Variants in BPNT1 observed in about 807,000 individuals in gnomAD.
The protein encoded by BPNT1 is 3'(2'), 5'-bisphosphate nucleotidase 1.
In BPNT1, 28 loss-of-function variants were observed where a neutral mutation model predicts 36.9. That is an observed-to-expected ratio of 0.76 (90% CI 0.56 to 1.04). The LOEUF is 1.04. Among genes scored for constraint, BPNT1 ranks in the 50% least tolerant of loss-of-function variants. BPNT1 has a pLI of 0.00. For missense variants in BPNT1, 313 were observed against 372.9 expected (o/e 0.84, Z 1.32); for synonymous variants, 119 against 130.9 (o/e 0.91, Z 0.62).
In BPNT1 at chr1:220,072,918, C is replaced by T. The variant is rs1413802471; in HGVS notation, c.265G>A (p.Asp89Asn). ...TTCAGTATTTCTTCCCACTGACTGT[C>T]TTCAATCAGCTCTTGATCCACTTCC... ...SEEVDQELIEDSQWEEILKQP... is the reference protein window; with the variant it reads ...SEEVDQELIENSQWEEILKQP... Residue 89 changes from aspartate (D) to asparagine (N), a missense_variant, in exon 4 of 9, where the codon GAC becomes AAC. Coordinates refer to ENST00000322067, the MANE Select transcript of BPNT1 (RefSeq NM_006085.6). The T allele has an allele frequency of 8.1e-6, 13 of 1,614,026 alleles. No homozygotes were observed. Among genetic ancestry groups the T allele is most frequent in the Non-Finnish European group, 1.1e-5 (13 of 1,180,010 alleles).
intron 4 of BPNT1, among the ~76,000 whole-genome samples, chr1:220,072,178 T>C (rs1664123916): frequency 6.6e-6 from 1 of 150,752 alleles, no homozygotes; most frequent in South Asian, 2.1e-4. Flanking sequence ...CTGGCCAACA[T>C]GGTGAAACCC....
At chr1:220,068,574 G>T (rs1408190691) in intron 5 of BPNT1, among the ~76,000 whole-genome samples, 2 of 151,918 alleles carry the variant, frequency 1.3e-5, no homozygotes, top group African/African-American at 4.8e-5. Context: ...ACTTTGGGAG[G>T]CCCAGGTGAG....
chr1:220,059,797 A>C lies in BPNT1; in HGVS notation c.673-6T>G, dbSNP rs767178141. The C allele has an allele frequency of 1.3e-6, 2 of 1,570,582 alleles. No homozygotes were observed. The highest frequency in any genetic ancestry group is 1.7e-6 in the Non-Finnish European group (2 of 1,156,542). The stretch of plus-strand genomic sequence containing the variant: ...CCTTCAATCAGCTGAATAATCTGTA[A>C]GGGTAAAAATAAGAATTATCCTTTG... On this transcript the variant is annotated splice_polypyrimidine_tract_variant and splice_region_variant and intron_variant, in intron 7 of 8. Coordinates refer to ENST00000322067, the MANE Select transcript of BPNT1 (RefSeq NM_006085.6).
chr1:220,083,713 G>A (rs1395415415), intron 1 of BPNT1, among the ~76,000 whole-genome samples: 1 of 152,148 alleles, frequency 6.6e-6, no homozygotes, highest in Non-Finnish European at 1.5e-5. Flanking sequence ...GATAGAAAAG[G>A]TATGTAAAAT....
intron 2 of BPNT1, among the ~76,000 whole-genome samples, chr1:220,079,288 T>C (rs1464658050): frequency 6.6e-6 from 1 of 151,790 alleles, no homozygotes; most frequent in Non-Finnish European, 1.5e-5. Flanking sequence ...AGTCTCGCCC[T>C]GTTGCCCAGG....
rs35221551 is a variant in BPNT1 at position 220,076,500 on chromosome 1, C to CA, written c.121-2430dup. Among the ~76,000 whole-genome samples the CA allele has an allele frequency of 6.4e-3, 372 of 57,812 alleles. 1 individual carries two copies. Among genetic ancestry groups the CA allele is most frequent in the East Asian group, 0.017 (33 of 1,916 alleles). The allele number at this position is 57,812 out of a possible 152,430, so 37.9% of individuals were successfully genotyped here. ...TGGGTGACAGAGCAAGACTCCATCT[C>CA]AAAAAAAAAAAAAAAAAAGGCAAAA... On this transcript the variant is annotated intron_variant, in intron 2 of 8. Transcript: ENST00000322067.
chr1:220,066,950 T>C (rs561996892), intron 6 of BPNT1: 1 of 152,278 alleles, frequency 6.6e-6, no homozygotes, highest in African/African-American at 2.4e-5. Context: ...ACATTTATAT[T>C]TGAATCATAA....
At chr1:220,073,129 T>C (rs1157056392) in intron 3 of BPNT1, among the ~76,000 whole-genome samples, 172 bp from the exon 4 acceptor site, 2 of 152,190 alleles carry the variant, frequency 1.3e-5, no homozygotes, top group Non-Finnish European at 2.9e-5. Context: ...AACAACCATA[T>C]GTGGCTCATC....
intron 2 of BPNT1, among the ~76,000 whole-genome samples, chr1:220,074,503 GT>G (rs369572621): frequency 3.2e-3 from 470 of 146,872 alleles, no homozygotes; most frequent in African/African-American, 0.011. Flanking sequence ...AATCCTATTT[GT>G]TTTTTTTTTT....
intron 6 of BPNT1, chr1:220,066,263 T>C (rs1284824981): frequency 4.1e-6 from 2 of 490,670 alleles, no homozygotes; most frequent in Non-Finnish European, 7.0e-6. Flanking sequence ...AAAGTAATAG[T>C]ATTAACTTAA....
At chr1:220,074,521 G>A (rs542111183) in intron 2 of BPNT1, among the ~76,000 whole-genome samples, 132 of 151,226 alleles carry the variant, frequency 8.7e-4, no homozygotes, top group African/African-American at 3.0e-3. Flanking sequence ...TTTTGAGACA[G>A]AGTCTTGCTC....
In BPNT1 at chr1:220,057,797, C is replaced by T. The variant is rs1368560691; in HGVS notation, c.*1047G>A. On this transcript the variant is annotated 3_prime_UTR_variant, in exon 9 of 9. Transcript: ENST00000322067. The stretch of plus-strand genomic sequence containing the variant: ...GTTTCATAAGCATATATAATAACAT[C>T]ATATATATTCTTAATTGGAGTAGAA... 8.8e-7 allele frequency: 1 copy of T among 1,131,436 alleles called. No individual in the cohort carries two copies. The highest frequency in any genetic ancestry group is 5.8e-5 in the East Asian group (1 of 17,170). The allele number at this position is 1,131,436 out of a possible 1,614,324, so 70.1% of individuals were successfully genotyped here.
At chr1:220,087,973 G>A (rs1406066468) in intron 1 of BPNT1, among the ~76,000 whole-genome samples, 1 of 152,130 alleles carries the variant, frequency 6.6e-6, no homozygotes, top group East Asian at 2.0e-4. Flanking sequence ...TGCCTCCCGG[G>A]TTTAAGCGAT....
intron 1 of BPNT1, among the ~76,000 whole-genome samples, chr1:220,088,789 TAA>T (rs1267059944): frequency 5.9e-4 from 67 of 113,998 alleles, no homozygotes; most frequent in Non-Finnish European, 5.6e-4. Flanking sequence ...GAACCTGTCT[TAA>T]AAAAAAAAAA....
chr1:220,059,671 A>T lies in BPNT1; in HGVS notation c.778+15T>A, dbSNP rs1166854711. The T allele has an allele frequency of 1.3e-5, 20 of 1,566,588 alleles. No homozygotes were observed. The highest frequency in any genetic ancestry group is 1.7e-5 in the Non-Finnish European group (20 of 1,149,836). On this transcript the variant is annotated intron_variant, in intron 8 of 8. Transcript: ENST00000322067. ...GTAGAAAAACTATGAATTTCCTCAA[A>T]TAAAACAGACTAACCTCCCACAGCA...
intron 7 of BPNT1, among the ~76,000 whole-genome samples, chr1:220,062,154 T>A (rs937444675): frequency 6.6e-6 from 1 of 151,908 alleles, no homozygotes; most frequent in Middle Eastern, 3.2e-3. Context: ...TTTTTTTTTA[T>A]TATTATACTT....
At chr1:220,080,722 G>T (rs1171553972) in intron 1 of BPNT1, among the ~76,000 whole-genome samples, 4 of 152,194 alleles carry the variant, frequency 2.6e-5, no homozygotes, top group African/African-American at 9.6e-5. Flanking sequence ...TTTAAGATGA[G>T]ATTTGGGTGG....
intron 1 of BPNT1, among the ~76,000 whole-genome samples, chr1:220,082,534 C>T (rs2647472): frequency 0.036 from 5,527 of 152,018 alleles, 334 homozygotes; most frequent in African/African-American, 0.12. Context: ...CATTGTTCTA[C>T]CATGACTTTC....
At chr1:220,067,273 A>C in intron 6 of BPNT1, 29 bp downstream of exon 6, 1 of 1,410,936 alleles carries the variant, frequency 7.1e-7, no homozygotes, top group Non-Finnish European at 9.8e-7. Context: ...TTATCTAATG[A>C]AATTACTTTG....
Sources: allele counts gnomAD v4.1 joint callset (sites outside exome capture counted in the v4.1 genomes callset), GRCh38; gene constraint gnomAD v4.1.1; transcripts MANE v1.5; gene names NCBI Gene and HGNC (gene_info 2026-07-23, HGNC 2026-07-21).